The following CRIM1 variants were observed in gnomAD, a reference collection of about 807,000 sequenced individuals.
The protein encoded by CRIM1 is cysteine rich transmembrane BMP regulator 1.
CRIM1 carries 32 observed loss-of-function variants against 116.4 expected under a neutral mutation model. That is an observed-to-expected ratio of 0.27 (90% CI 0.21 to 0.37). The LOEUF is 0.37. Ranked by LOEUF, CRIM1 falls within the 10% of genes least tolerant of loss-of-function variation. The pLI is 1.00. For missense variants in CRIM1, 1,331 were observed against 1,354.8 expected, an observed-to-expected ratio of 0.98 and a Z score of 0.28; for synonymous variants, 590 against 509.2, an observed-to-expected ratio of 1.16 and a Z score of -2.13.
intron 4 of CRIM1, among the ~76,000 whole-genome samples, chr2:36,462,350 T>A (rs1245403341): frequency 1.3e-5 from 2 of 152,220 alleles, no homozygotes; most frequent in Admixed American, 1.3e-4. Flanking sequence ...ACTCCCTAAA[T>A]GTATTTTTTA....
intron 2 of CRIM1, among the ~76,000 whole-genome samples, chr2:36,425,654 G>T (rs1367072240): frequency 6.6e-6 from 1 of 152,130 alleles, no homozygotes; most frequent in Non-Finnish European, 1.5e-5. Flanking sequence ...ACTCAAAAGG[G>T]GGCTTACTGG....
At chr2:36,532,952 C>G (rs537839530) in intron 13 of CRIM1, among the ~76,000 whole-genome samples, 13 of 152,254 alleles carry the variant, frequency 8.5e-5, no homozygotes, top group African/African-American at 1.9e-4. Flanking sequence ...AATAAGCAAA[C>G]CAGTTGGAAT....
intron 1 of CRIM1, among the ~76,000 whole-genome samples, chr2:36,395,560 A>G (rs1671959052): frequency 6.6e-6 from 1 of 152,202 alleles, no homozygotes; most frequent in Non-Finnish European, 1.5e-5. Context: ...ATTATGAAGA[A>G]TTGAGCCTGC....
intron 2 of CRIM1, among the ~76,000 whole-genome samples, chr2:36,426,741 T>C (rs1222522100): frequency 6.6e-6 from 1 of 152,246 alleles, no homozygotes; most frequent in Non-Finnish European, 1.5e-5. Flanking sequence ...CCCTTGTTTA[T>C]ATCTGACCTC....
intron 1 of CRIM1, among the ~76,000 whole-genome samples, chr2:36,374,662 T>A (rs1366028288): frequency 1.3e-5 from 2 of 152,148 alleles, no homozygotes; most frequent in African/African-American, 4.8e-5. Context: ...TCCATACTAC[T>A]TAAAAAGCAA....
intron 5 of CRIM1, among the ~76,000 whole-genome samples, chr2:36,474,755 G>C (rs1183556542): frequency 6.8e-6 from 1 of 147,584 alleles, no homozygotes; most frequent in East Asian, 2.1e-4. Context: ...GGCTGAGGCA[G>C]GAGAATCACT....
intron 2 of CRIM1, among the ~76,000 whole-genome samples, chr2:36,399,791 A>G (rs80144250): frequency 0.022 from 3,357 of 152,316 alleles, 147 homozygotes; most frequent in East Asian, 0.18. Context: ...TTTCTCAGGG[A>G]AGTATAAAAG....
chr2:36,419,638 C>G (rs1179254333), intron 2 of CRIM1, among the ~76,000 whole-genome samples: 1 of 152,158 alleles, frequency 6.6e-6, no homozygotes, highest in Admixed American at 6.5e-5. Flanking sequence ...CCTAGGGGGA[C>G]TAGCTCTTTT....
chr2:36,483,553 C>G (rs1679584328), intron 7 of CRIM1, among the ~76,000 whole-genome samples: 1 of 152,180 alleles, frequency 6.6e-6, no homozygotes, highest in Non-Finnish European at 1.5e-5. Flanking sequence ...TCATAAGTGA[C>G]AGCACAGTGT....
intron 4 of CRIM1, among the ~76,000 whole-genome samples, chr2:36,456,902 C>A (rs955646724): frequency 6.6e-6 from 1 of 152,056 alleles, no homozygotes; most frequent in African/African-American, 2.4e-5. Flanking sequence ...CCCCACCACA[C>A]CTACTTTCTG....
intron 5 of CRIM1, among the ~76,000 whole-genome samples, chr2:36,466,838 T>C (rs190916726): frequency 1.3e-4 from 20 of 152,330 alleles, no homozygotes; most frequent in African/African-American, 4.8e-4. Flanking sequence ...TCTTAAGTCA[T>C]TTGTCCCCTG....
intron 14 of CRIM1, among the ~76,000 whole-genome samples, chr2:36,543,255 T>G (rs1226348925): frequency 6.6e-6 from 1 of 152,154 alleles, no homozygotes; most frequent in Non-Finnish European, 1.5e-5. Context: ...CCTGGCTGGG[T>G]ACCCAGTTAA....
At chr2:36,460,103 GAAAA>G (rs1006044403) in intron 4 of CRIM1, among the ~76,000 whole-genome samples, 1 of 147,806 alleles carries the variant, frequency 6.8e-6, no homozygotes, top group Non-Finnish European at 1.5e-5. Flanking sequence ...ACCTACTTGA[GAAAA>G]AAAAAAGACA....
chr2:36,508,112 A>G (rs547872721), intron 8 of CRIM1, among the ~76,000 whole-genome samples: 1 of 152,342 alleles, frequency 6.6e-6, no homozygotes, highest in African/African-American at 2.4e-5. Context: ...TTCAAGTCAT[A>G]TAATTACAAA....
intron 5 of CRIM1, among the ~76,000 whole-genome samples, chr2:36,469,377 G>A (rs1678309737): frequency 6.6e-6 from 1 of 152,184 alleles, no homozygotes; most frequent in African/African-American, 2.4e-5. Flanking sequence ...GTAGCACTCT[G>A]CTTCTCACAG....
intron 4 of CRIM1, among the ~76,000 whole-genome samples, chr2:36,457,356 C>T (rs929527744): frequency 2.1e-5 from 3 of 143,668 alleles, no homozygotes; most frequent in Non-Finnish European, 4.5e-5. Flanking sequence ...AAGCGTAAAA[C>T]AACAACAACG....
intron 4 of CRIM1, among the ~76,000 whole-genome samples, chr2:36,463,707 C>G (rs539033423): frequency 6.6e-6 from 1 of 152,152 alleles, no homozygotes; most frequent in Non-Finnish European, 1.5e-5. Flanking sequence ...TTCACCTGCC[C>G]GTATTTGCCA....
At chr2:36,442,233 CT>C (rs1268395571) in intron 3 of CRIM1, among the ~76,000 whole-genome samples, 1 of 151,322 alleles carries the variant, frequency 6.6e-6, no homozygotes, top group Non-Finnish European at 1.5e-5. Flanking sequence ...TTGGGTTTTT[CT>C]TTTTCTTTCT....
At chr2:36,392,418 T>C (rs1671685949) in intron 1 of CRIM1, among the ~76,000 whole-genome samples, 1 of 151,924 alleles carries the variant, frequency 6.6e-6, no homozygotes, top group African/African-American at 2.4e-5. Flanking sequence ...ACCTACTTCA[T>C]ATAGTTAAAA....
Sources: allele counts gnomAD v4.1 joint callset (sites outside exome capture counted in the v4.1 genomes callset), GRCh38; gene constraint gnomAD v4.1.1; transcripts MANE v1.5; gene names NCBI Gene and HGNC (gene_info 2026-07-23, HGNC 2026-07-21).